COBL: variants seen among roughly 807,000 people sequenced by gnomAD.
COBL encodes the protein protein cordon-bleu.
A neutral mutation model predicts 98.8 loss-of-function variants in COBL; 51 were observed. The ratio of observed to expected loss-of-function variants is 0.52; its 90% CI spans 0.41 to 0.65. COBL has a LOEUF of 0.65. Among genes scored for constraint, COBL ranks in the 30% least tolerant of loss-of-function variants. The probability of loss-of-function intolerance (pLI) is 0.00; values close to 1 mark genes in which losing one functional copy is unlikely to be tolerated. For synonymous variants in COBL, 634 were observed against 651.7 expected, an observed-to-expected ratio of 0.97 and a Z score of 0.41; for missense variants, 1,617 against 1,617.5, an observed-to-expected ratio of 1.00 and a Z score of 0.01.
At chr7:51,169,117 AC>A (rs1787609654) in intron 5 of COBL, among the ~76,000 whole-genome samples, 1 of 152,156 alleles carries the variant, frequency 6.6e-6, no homozygotes, top group African/African-American at 2.4e-5. Flanking sequence ...GAAGCCTGCT[AC>A]CCGGAGGCTT....
intron 2 of COBL, among the ~76,000 whole-genome samples, chr7:51,210,676 A>G (rs559748977): frequency 3.9e-5 from 6 of 152,218 alleles, no homozygotes; most frequent in Non-Finnish European, 7.3e-5. Flanking sequence ...TGTTTCCTGC[A>G]GGGTTTGAAA....
chr7:51,281,454 C>G (rs188477098), intron 1 of COBL, among the ~76,000 whole-genome samples: 34 of 152,116 alleles, frequency 2.2e-4, no homozygotes, highest in African/African-American at 7.5e-4. Flanking sequence ...GTTCAGCAAA[C>G]CCTATACAGG....
In COBL at chr7:51,022,264, T is replaced by C. The variant is rs1019405409; in HGVS notation, c.3768+2845A>G. Among the ~76,000 whole-genome samples the C allele has an allele frequency of 3.3e-5, 5 of 152,240 alleles. No individual in the cohort carries two copies. The South Asian group carries it at 1.0e-3, about 32-fold the overall frequency. ...CATAAATATTAATTGCCTAGAACTT[T>C]CCAGGGTGGATAAGGCAGGCCACAC... On this transcript the variant is annotated intron_variant, in intron 12 of 12. Coordinates refer to ENST00000265136, the MANE Select transcript of COBL (RefSeq NM_015198.5).
At position 51,265,878 on chromosome 7, in the gene COBL, C is replaced by T. The variant is rs531649308; in HGVS notation, c.42-45934G>A. The stretch of plus-strand genomic sequence containing the variant: ...CTCAAGAAACAGTCATATGCGATTT[C>T]CATTACACCTCTGAATTTATAATGA... On this transcript the variant is annotated intron_variant, in intron 1 of 12. Transcript: ENST00000265136. Among the ~76,000 whole-genome samples, 5 of 152,140 alleles carry T rather than the reference C, an allele frequency of 3.3e-5. No individual in the cohort carries two copies. In the South Asian group the frequency reaches 1.0e-3, roughly 32 times the overall value.
At chr7:51,040,016 G>A (rs750270762) in intron 8 of COBL, among the ~76,000 whole-genome samples, 26 of 152,128 alleles carry the variant, frequency 1.7e-4, no homozygotes, top group Middle Eastern at 3.4e-3. Context: ...CCTCAACCTC[G>A]CCTAACCCCT....
intron 6 of COBL, among the ~76,000 whole-genome samples, chr7:51,091,959 G>C (rs936480538): frequency 1.3e-5 from 2 of 152,186 alleles, no homozygotes; most frequent in African/African-American, 4.8e-5. Flanking sequence ...GTTTATCTCA[G>C]GGGTTCCCAA....
At chr7:51,217,212 G>A (rs1018103684) in intron 2 of COBL, among the ~76,000 whole-genome samples, 2 of 152,064 alleles carry the variant, frequency 1.3e-5, no homozygotes, top group African/African-American at 4.8e-5. Context: ...AGAAATGAAA[G>A]CATTCTTTTA....
At chr7:51,217,484 G>GGCAT (rs1402717304) in intron 2 of COBL, among the ~76,000 whole-genome samples, 1 of 151,814 alleles carries the variant, frequency 6.6e-6, no homozygotes, top group East Asian at 1.9e-4. Context: ...TGGGATTACA[G>GGCAT]GCATGCGCCA....
intron 7 of COBL, among the ~76,000 whole-genome samples, chr7:51,062,000 T>C (rs1791430363): frequency 2.2e-5 from 3 of 138,086 alleles, no homozygotes; most frequent in African/African-American, 6.4e-5. Flanking sequence ...TATATCCTAT[T>C]GTTCTGTATC....
chr7:51,256,650 CACAGATCCCAG>C (rs1482209521), intron 1 of COBL, among the ~76,000 whole-genome samples: 2 of 152,234 alleles, frequency 1.3e-5, no homozygotes, highest in Admixed American at 1.3e-4. Context: ...CACGTGGTTT[CACAGATCCCAG>C]GCAGAGGCAG....
intron 1 of COBL, among the ~76,000 whole-genome samples, chr7:51,277,963 A>C (rs1799458849): frequency 1.3e-5 from 2 of 152,170 alleles, no homozygotes; most frequent in South Asian, 4.1e-4. Context: ...GGGCAGATTC[A>C]TTTCGTTATT....
intron 4 of COBL, chr7:51,187,847 C>T (rs978535638): frequency 2.4e-5 from 28 of 1,171,018 alleles, no homozygotes; most frequent in Non-Finnish European, 1.5e-5. Flanking sequence ...CTCTGTGCAG[C>T]TCTGACCCCA....
At chr7:51,275,603 C>T (rs1004970101) in intron 1 of COBL, among the ~76,000 whole-genome samples, 3 of 152,050 alleles carry the variant, frequency 2.0e-5, no homozygotes, top group Non-Finnish European at 4.4e-5. Context: ...CCTGCCACCA[C>T]CACCACCGCC....
intron 1 of COBL, among the ~76,000 whole-genome samples, chr7:51,274,717 A>G (rs563050394): frequency 1.3e-5 from 2 of 152,366 alleles, no homozygotes; most frequent in African/African-American, 4.8e-5. Context: ...AATGACTTTC[A>G]TATGAAAACT....
intron 2 of COBL, among the ~76,000 whole-genome samples, chr7:51,215,156 T>C (rs1325358592): frequency 6.6e-6 from 1 of 152,174 alleles, no homozygotes; most frequent in Non-Finnish European, 1.5e-5. Context: ...CCCTTACGTA[T>C]AACTGGTATA....
intron 1 of COBL, among the ~76,000 whole-genome samples, chr7:51,268,633 T>C (rs530340801): frequency 7.0e-4 from 106 of 152,118 alleles, no homozygotes; most frequent in African/African-American, 2.5e-3. Flanking sequence ...AACACAGGTG[T>C]CTTTATCAGG....
At chr7:51,052,865 T>C (rs1454864137) in intron 7 of COBL, among the ~76,000 whole-genome samples, 1 of 152,200 alleles carries the variant, frequency 6.6e-6, no homozygotes, top group Non-Finnish European at 1.5e-5. Context: ...TACTTTTACT[T>C]AGCTTTCCAT....
At chr7:51,128,241 G>A (rs553046065) in intron 6 of COBL, among the ~76,000 whole-genome samples, 1 of 152,330 alleles carries the variant, frequency 6.6e-6, no homozygotes, top group East Asian at 1.9e-4. Flanking sequence ...CTGAGACTCA[G>A]TTTCCACAAC....
intron 6 of COBL, among the ~76,000 whole-genome samples, chr7:51,131,288 G>C (rs1336017381): frequency 3.9e-5 from 6 of 152,178 alleles, no homozygotes; most frequent in African/African-American, 1.4e-4. Flanking sequence ...TGGATTTATA[G>C]TTGTATCTGC....
Sources: gnomAD v4.1 joint callset for allele counts (sites outside exome capture counted in the v4.1 genomes callset) on GRCh38, gnomAD v4.1.1 for gene constraint, MANE v1.5 for transcripts, NCBI Gene and HGNC (gene_info 2026-07-23, HGNC 2026-07-21) for gene names.